The following NALF1 variants were observed in gnomAD, a reference collection of about 807,000 sequenced individuals.
The protein encoded by NALF1 is family with sequence similarity 155 member A.
Under a neutral mutation model 48.4 loss-of-function variants are expected in NALF1, and 3 were observed. The observed-to-expected ratio is 0.06, with a 90% CI of 0.03 to 0.16. NALF1 has a LOEUF of 0.16. Ranked by LOEUF, NALF1 falls within the 10% of genes least tolerant of loss-of-function variation. The pLI is 1.00. For synonymous variants in NALF1, 262 were observed against 245.7 expected, an observed-to-expected ratio of 1.07 and a Z score of -0.62; for missense variants, 526 against 571.5, an observed-to-expected ratio of 0.92 and a Z score of 0.81.
intron 1 of NALF1, among the ~76,000 whole-genome samples, chr13:107,864,197 T>TA (rs1014474002): frequency 2.6e-5 from 4 of 152,306 alleles, no homozygotes; most frequent in Non-Finnish European, 5.9e-5. Context: ...AAAAAATAGA[T>TA]AAAAAAGTTT....
intron 1 of NALF1, among the ~76,000 whole-genome samples, chr13:107,818,679 T>C (rs1402812651): frequency 6.6e-6 from 1 of 150,714 alleles, no homozygotes; most frequent in Non-Finnish European, 1.5e-5. Flanking sequence ...GAGACCATCC[T>C]GGCTAACACG....
chr13:107,193,815 C>T (rs950865832), intron 2 of NALF1, among the ~76,000 whole-genome samples: 3 of 152,106 alleles, frequency 2.0e-5, no homozygotes, highest in Non-Finnish European at 4.4e-5. Flanking sequence ...AGACCTGTAT[C>T]CCCTGCTGAA....
At chr13:107,441,646 G>A (rs1310213722) in intron 1 of NALF1, among the ~76,000 whole-genome samples, 1 of 152,170 alleles carries the variant, frequency 6.6e-6, no homozygotes, top group Non-Finnish European at 1.5e-5. Context: ...AATGTGAGAC[G>A]TCAACAGGGC....
At chr13:107,641,554 T>C (rs1197911468) in intron 1 of NALF1, among the ~76,000 whole-genome samples, 1 of 152,166 alleles carries the variant, frequency 6.6e-6, no homozygotes, top group African/African-American at 2.4e-5. Context: ...TGAGTCATAA[T>C]TTTAGTTGGA....
rs148065922 is a variant in NALF1 at position 107,392,163 on chromosome 13, T to C, written c.916-181408A>G. On this transcript the variant is annotated intron_variant, in intron 1 of 2. Transcript: ENST00000375915. ...CTTGTCTCCCTTTGTTGCTGACCTC[T>C]AGCATTGGACCCTTAGGAAGGACAA... 3.2e-3 allele frequency among the ~76,000 whole-genome samples: 489 copies of C among 152,228 alleles called. 4 individuals are homozygous for C. The highest frequency in any genetic ancestry group is 0.01 in the African/African-American group (435 of 41,558).
At chr13:107,220,569 G>C (rs1179474313) in intron 1 of NALF1, among the ~76,000 whole-genome samples, 1 of 152,202 alleles carries the variant, frequency 6.6e-6, no homozygotes, top group African/African-American at 2.4e-5. Flanking sequence ...TTTTCACTGA[G>C]AGCCAACTTT....
rs138801299 is a variant in NALF1 at position 107,612,075 on chromosome 13, G to A, written c.915+253607C>T. Among the ~76,000 whole-genome samples the A allele has an allele frequency of 3.8e-4, 29 of 75,586 alleles. No homozygotes were observed. In the East Asian group the frequency reaches 9.6e-3, roughly 25 times the overall value. 49.6% of individuals were successfully genotyped at this position (75,586 alleles called of 152,430 possible). ...AGAGAGGGGAGTGGGGGGGAGAGAGGGGAGTGGGGGGGAGAGAGGGGAGGG... is the reference window on the plus strand; with the variant it reads ...AGAGAGGGGAGTGGGGGGGAGAGAGAGGAGTGGGGGGGAGAGAGGGGAGGG... On this transcript the variant is annotated intron_variant, in intron 1 of 2. Transcript: ENST00000375915.
chr13:107,386,552 T>G (rs948274641), intron 1 of NALF1, among the ~76,000 whole-genome samples: 2 of 152,184 alleles, frequency 1.3e-5, no homozygotes, highest in Admixed American at 1.3e-4. Context: ...TTCTTGTTTT[T>G]GTGATAAGCA....
chr13:107,687,380 G>A (rs1391534739), intron 1 of NALF1, among the ~76,000 whole-genome samples: 1 of 151,552 alleles, frequency 6.6e-6, no homozygotes, highest in Non-Finnish European at 1.5e-5. Flanking sequence ...TTTGGGTGAC[G>A]AGTTCAACTG....
intron 1 of NALF1, among the ~76,000 whole-genome samples, chr13:107,356,540 G>C (rs945792167): frequency 1.3e-5 from 2 of 152,048 alleles, no homozygotes; most frequent in Non-Finnish European, 2.9e-5. Context: ...CTATCTATAC[G>C]ATTTTTCTAG....
At chr13:107,843,721 C>G (rs1471649504) in intron 1 of NALF1, among the ~76,000 whole-genome samples, 2 of 152,028 alleles carry the variant, frequency 1.3e-5, no homozygotes, top group African/African-American at 4.8e-5. Flanking sequence ...TACTGCCTTC[C>G]CTGGTATGGA....
intron 1 of NALF1, among the ~76,000 whole-genome samples, chr13:107,709,231 C>T (rs964348852): frequency 1.3e-5 from 2 of 152,132 alleles, no homozygotes; most frequent in African/African-American, 4.8e-5. Flanking sequence ...CACAGGTCAA[C>T]TCAATTTCAT....
intron 2 of NALF1, among the ~76,000 whole-genome samples, chr13:107,206,922 G>A (rs1014741797): frequency 6.6e-5 from 10 of 152,170 alleles, no homozygotes; most frequent in Admixed American, 5.9e-4. Flanking sequence ...GCTGTGAATT[G>A]GATGCAGTTC....
chr13:107,551,804 A>C (rs2138384645), intron 1 of NALF1, among the ~76,000 whole-genome samples: 1 of 152,250 alleles, frequency 6.6e-6, no homozygotes, highest in East Asian at 1.9e-4. Flanking sequence ...TTTCTGTTAA[A>C]GTATGAATAT....
intron 1 of NALF1, among the ~76,000 whole-genome samples, chr13:107,650,376 G>A (rs1409464219): frequency 8.2e-6 from 1 of 121,748 alleles, no homozygotes; most frequent in East Asian, 2.5e-4. Flanking sequence ...CCATTTGAAC[G>A]GTAATCTCTG....
Position 107,262,766 on chromosome 13 carries a change from G to GGC in NALF1, c.916-52013_916-52012dup, listed in dbSNP as rs558852169. On this transcript the variant is annotated intron_variant, in intron 1 of 2. Coordinates refer to ENST00000375915, the MANE Select transcript of NALF1 (RefSeq NM_001080396.3). ...ACCATATTAAGTTGCATAACCCACAGGCGCTCTCTCTCTCTCTCTCTCTCT... is the reference window on the plus strand; with the variant it reads ...ACCATATTAAGTTGCATAACCCACAGGCGCGCTCTCTCTCTCTCTCTCTCTCT... Among the ~76,000 whole-genome samples, 233 of 37,780 alleles carry GGC rather than the reference G, an allele frequency of 6.2e-3. 5 individuals carry two copies. The South Asian group carries it at 0.15, about 25-fold the overall frequency. The allele number at this position is 37,780 out of a possible 152,430, so 24.8% of individuals were successfully genotyped here.
At chr13:107,808,430 T>A (rs992423922) in intron 1 of NALF1, among the ~76,000 whole-genome samples, 1 of 152,130 alleles carries the variant, frequency 6.6e-6, no homozygotes, top group Non-Finnish European at 1.5e-5. Flanking sequence ...TTCCCAAGAT[T>A]TGTCCTACTT....
At chr13:107,221,508 A>G (rs1879993298) in intron 1 of NALF1, among the ~76,000 whole-genome samples, 1 of 152,146 alleles carries the variant, frequency 6.6e-6, no homozygotes. Context: ...TGAACTCAGG[A>G]GTCAGAAACT....
intron 1 of NALF1, among the ~76,000 whole-genome samples, chr13:107,216,497 G>A (rs1015357852): frequency 1.3e-5 from 2 of 152,202 alleles, no homozygotes; most frequent in African/African-American, 4.8e-5. Flanking sequence ...AGCGCTCTGA[G>A]CTTCTTGATC....
Sources: gnomAD v4.1 joint callset for allele counts (sites outside exome capture counted in the v4.1 genomes callset) on GRCh38, gnomAD v4.1.1 for gene constraint, MANE v1.5 for transcripts, NCBI Gene and HGNC (gene_info 2026-07-23, HGNC 2026-07-21) for gene names.